PC: variants seen among roughly 807,000 people sequenced by gnomAD.
PC encodes pyruvate carboxylase.
In PC, 46 loss-of-function variants were observed where a neutral mutation model predicts 107.8. The observed-to-expected ratio is 0.43, with a 90% confidence interval of 0.34 to 0.55. PC has a LOEUF of 0.55. PC is among the 20% of genes least tolerant of loss of function. The pLI, the probability that PC is intolerant of heterozygous loss-of-function variation, is 0.04. For missense variants in PC, 1,241 were observed against 1,643.1 expected (o/e 0.76, Z 4.23); for synonymous variants, 662 against 684.7 (o/e 0.97, Z 0.52).
At position 66,850,940 on chromosome 11, in the gene PC, A is replaced by G; in HGVS notation, c.2224-17T>C. 1 of 1,569,516 alleles carries G rather than the reference A, an allele frequency of 6.4e-7. No individual in the cohort carries two copies. On this transcript the variant is annotated splice_polypyrimidine_tract_variant and intron_variant, in intron 17 of 22. Coordinates refer to ENST00000393960, the MANE Select transcript of PC (RefSeq NM_001040716.2). ...GGCCATGTCCTGGGGGAAGTGGGAG[A>G]GAGAGAGAGAGAGATGGTAGAGAGG...
chr11:66,915,138 G>C (rs75561897), intron 3 of PC, among the ~76,000 whole-genome samples: 20,229 of 146,060 alleles, frequency 0.14, 1,516 homozygotes, highest in East Asian at 0.25. Flanking sequence ...CCAGACTCCA[G>C]CCAGGGAGGG....
chr11:66,892,615 G>A (rs893783345), intron 3 of PC, among the ~76,000 whole-genome samples: 1 of 152,214 alleles, frequency 6.6e-6, no homozygotes, highest in Admixed American at 6.5e-5. Context: ...GGGAGGCCAA[G>A]GTGGGTGGAT....
intron 3 of PC, among the ~76,000 whole-genome samples, chr11:66,898,637 G>A (rs909703257): frequency 2.0e-5 from 3 of 152,122 alleles, no homozygotes; most frequent in Non-Finnish European, 2.9e-5. Context: ...CCGAGATTGC[G>A]CCACTGCATT....
intron 12 of PC, among the ~76,000 whole-genome samples, chr11:66,863,177 T>C (rs968034947): frequency 2.0e-5 from 3 of 151,966 alleles, no homozygotes; most frequent in Admixed American, 2.0e-4. Context: ...CCCCGTCTAC[T>C]AAAAATACAA....
intron 1 of PC, among the ~76,000 whole-genome samples, chr11:66,957,427 G>A (rs1321360685): frequency 6.6e-6 from 1 of 152,182 alleles, no homozygotes; most frequent in Non-Finnish European, 1.5e-5. Flanking sequence ...GACCAGCCTG[G>A]GCAACATGAC....
In PC at chr11:66,868,981, G is replaced by C. The variant is rs199565222; in HGVS notation, c.904-17C>G. 1 of 1,589,018 alleles carries C rather than the reference G, an allele frequency of 6.3e-7. No homozygotes were observed. The highest frequency in any genetic ancestry group is 8.6e-7 in the Non-Finnish European group (1 of 1,157,814). On this transcript the variant is annotated splice_polypyrimidine_tract_variant and intron_variant, in intron 9 of 22. Transcript: ENST00000393960. ...GTAGCCCACCTGTGGGGGCGGCCAC[G>C]TGAGCAGGGGAGGGCACAGGCAGGG...
Position 66,857,814 on chromosome 11 carries a change from C to T in PC, c.1369-4431G>A. 1 of 1,602,788 alleles carries T rather than the reference C, an allele frequency of 6.2e-7. No homozygotes were observed. Among genetic ancestry groups the T allele is most frequent in the African/African-American group, 1.3e-5 (1 of 75,028 alleles). ...CGCCTGCCCGCTGCCCTGCGTCTGC[C>T]AGAACCTGTCCGAGTCGCTCAGCAC... On this transcript the variant is annotated intron_variant, in intron 12 of 22. Transcript: ENST00000393960. This position sits in a 1 kb window ranked among gnomAD's most constrained non-coding sequence, Gnocchi z 7.1.
chr11:66,856,522 G>T (rs1945843698), intron 12 of PC: 1 of 152,558 alleles, frequency 6.6e-6, no homozygotes, highest in African/African-American at 2.4e-5. Flanking sequence ...GCCGAACCCC[G>T]TGCCGGTTGG....
intron 3 of PC, among the ~76,000 whole-genome samples, chr11:66,913,662 C>A (rs1948397493): frequency 1.6e-5 from 2 of 129,010 alleles, no homozygotes; most frequent in African/African-American, 2.9e-5. Flanking sequence ...AACTCTGTCT[C>A]AAAAAAAAAA....
Position 66,870,174 on chromosome 11 carries a change from C to T in PC, c.903+128G>A, listed in dbSNP as rs1946663062. 1 of 1,174,864 alleles carries T rather than the reference C, an allele frequency of 8.5e-7. No individual in the cohort carries two copies. The highest frequency in any genetic ancestry group is 1.2e-6 in the Non-Finnish European group (1 of 811,758). The allele number at this position is 1,174,864 out of a possible 1,614,324, so 72.8% of individuals were successfully genotyped here. On this transcript the variant is annotated intron_variant, in intron 9 of 22. Coordinates refer to ENST00000393960, the MANE Select transcript of PC (RefSeq NM_001040716.2). The surrounding 1 kb of genome is among the most constrained non-coding windows in gnomAD (Gnocchi z 6.1). ...TCTGGCCCCCAGGAGAGTCCTTCAC[C>T]CTCTTCTCCCCATCCCCAGTCCCCA... is the stretch of plus-strand genomic sequence containing the variant.
intron 10 of PC, among the ~76,000 whole-genome samples, chr11:66,867,332 G>A (rs1946538825): frequency 6.6e-6 from 1 of 152,202 alleles, no homozygotes; most frequent in South Asian, 2.1e-4. Flanking sequence ...GTTGCAGTGA[G>A]CAAAGATTGC....
Position 66,868,962 on chromosome 11 carries a change from C to T in PC, c.906G>A (p.Val302=), listed in dbSNP as rs1946615460. 1 of 1,612,972 alleles carries T rather than the reference C, an allele frequency of 6.2e-7. No individual in the cohort carries two copies. The highest frequency in any genetic ancestry group is 8.5e-7 in the Non-Finnish European group (1 of 1,179,314). ...TSDSVKLAKQ[V]GYENAGTVEF... ...CCACGGTGCCTGCGTTCTCGTAGCC[C>T]ACCTGTGGGGGCGGCCACGTGAGCA... is the stretch of plus-strand genomic sequence containing the variant. Residue 302 remains valine (V), a splice_region_variant and synonymous_variant, in exon 10 of 23, where the codon GTG becomes GTA. Transcript: ENST00000393960.
intron 3 of PC, among the ~76,000 whole-genome samples, chr11:66,875,461 G>A (rs1565251469): frequency 6.6e-6 from 1 of 152,102 alleles, no homozygotes; most frequent in African/African-American, 2.4e-5. Flanking sequence ...GCATCACAGG[G>A]GCGGTGGTGT....
At chr11:66,875,262 G>T (rs1591201706) in intron 3 of PC, among the ~76,000 whole-genome samples, 1 of 152,156 alleles carries the variant, frequency 6.6e-6, no homozygotes, top group African/African-American at 2.4e-5. Context: ...GTGGGGCTTA[G>T]GAAACATCTG....
rs1339607139 is a variant in PC, at chr11:66,858,039, C to T, written c.1369-4656G>A. 3.7e-6 allele frequency: 6 copies of T among 1,611,222 alleles called. No individual in the cohort carries two copies. The highest frequency in any genetic ancestry group is 1.1e-5 in the South Asian group (1 of 91,076). On this transcript the variant is annotated intron_variant, in intron 12 of 22. Transcript: ENST00000393960. The surrounding 1 kb of genome is among the most constrained non-coding windows in gnomAD (Gnocchi z 5.9). ...CGCCTTTGGGGACCTCGAGAGCCTGCGTTCCCTCCACCTTGACGGCAACAG... is the reference window on the plus strand; with the variant it reads ...CGCCTTTGGGGACCTCGAGAGCCTGTGTTCCCTCCACCTTGACGGCAACAG...
Position 66,889,957 on chromosome 11 carries a change from A to G in PC, c.1-17798T>C, listed in dbSNP as rs147098997. 3.8e-3 allele frequency among the ~76,000 whole-genome samples: 581 copies of G among 152,298 alleles called. 2 individuals are homozygous for G. Among genetic ancestry groups the G allele is most frequent in the Middle Eastern group, 0.037 (11 of 294 alleles). ...ATATATTTGAAATCTCTCCATGTTA[A>G]TACAGTAGACCTACTTCACGAATGA... is the stretch of plus-strand genomic sequence containing the variant. On this transcript the variant is annotated intron_variant, in intron 3 of 22. Coordinates refer to ENST00000393960, the MANE Select transcript of PC (RefSeq NM_001040716.2).
chr11:66,852,042 A>G lies in PC; in HGVS notation c.1826-96T>C. 3.1e-6 allele frequency: 4 copies of G among 1,280,810 alleles called. No individual in the cohort carries two copies. The highest frequency in any genetic ancestry group is 2.5e-5 in the South Asian group (2 of 80,352). The allele number at this position is 1,280,810 out of a possible 1,614,324, so 79.3% of individuals were successfully genotyped here. A position where few individuals can be genotyped will look rare whatever the true frequency, so the allele number is the denominator to read the frequency against. On this transcript the variant is annotated intron_variant, in intron 15 of 22. Transcript: ENST00000393960. The surrounding 1 kb of genome is among the most constrained non-coding windows in gnomAD (Gnocchi z 4.7). Reference sequence around the variant, plus strand: ...TCTGCAGCACAAGCCTCTGGCCCCAATACCAGGTCCTGCTCATCTTCGCCA... The same window carrying G: ...TCTGCAGCACAAGCCTCTGGCCCCAGTACCAGGTCCTGCTCATCTTCGCCA...
At chr11:66,890,394 AT>A (rs148706185) in intron 3 of PC, among the ~76,000 whole-genome samples, 50,082 of 123,266 alleles carry the variant, frequency 0.41, 9,248 homozygotes, top group African/African-American at 0.54. Context: ...ATTGTTTCCC[AT>A]TTTTTTTTTT....
rs1265587503 is a variant in PC, at chr11:66,857,559, G to A, written c.1369-4176C>T. The A allele has an allele frequency of 3.3e-6, 2 of 608,384 alleles. No individual in the cohort carries two copies. The highest frequency in any genetic ancestry group is 5.7e-6 in the Non-Finnish European group (2 of 352,772). 37.7% of individuals were successfully genotyped at this position (608,384 alleles called of 1,614,324 possible). A position where few individuals can be genotyped will look rare whatever the true frequency, so the allele number is the denominator to read the frequency against. ...GCTTGGGAAATGTGACCTTTGCTCTGGGGGGCCTGGCCCTGCAGGCCCCAA... is the reference window on the plus strand; with the variant it reads ...GCTTGGGAAATGTGACCTTTGCTCTAGGGGGCCTGGCCCTGCAGGCCCCAA... On this transcript the variant is annotated intron_variant, in intron 12 of 22. Coordinates refer to ENST00000393960, the MANE Select transcript of PC (RefSeq NM_001040716.2). This position sits in a 1 kb window ranked among gnomAD's most constrained non-coding sequence, Gnocchi z 7.1.
Sources: gnomAD v4.1 joint callset for allele counts (sites outside exome capture counted in the v4.1 genomes callset) on GRCh38, gnomAD v4.1.1 for gene constraint, Gnocchi (gnomAD v3.1) non-coding constraint, MANE v1.5 for transcripts, NCBI Gene and HGNC (gene_info 2026-07-23, HGNC 2026-07-21) for gene names.